CNTN2: variants seen among roughly 807,000 people sequenced by gnomAD.
The protein encoded by CNTN2 is contactin-2.
A neutral mutation model predicts 117.5 loss-of-function variants in CNTN2; 53 were observed. That is an observed-to-expected ratio of 0.45 (90% CI 0.36 to 0.57). The LOEUF is 0.57. Ranked by LOEUF, CNTN2 falls within the 20% of genes least tolerant of loss-of-function variation. CNTN2 has a pLI of 0.00. For missense variants in CNTN2, 1,106 were observed against 1,404.3 expected (o/e 0.79, Z 3.39); for synonymous variants, 530 against 561.7 (o/e 0.94, Z 0.80).
In CNTN2 at chr1:205,062,464, G is replaced by C. The variant is rs769920262; in HGVS notation, c.1135G>C (p.Asp379His). 3.7e-6 allele frequency: 6 copies of C among 1,613,932 alleles called. No individual in the cohort carries two copies. In the Admixed American group the frequency reaches 1.0e-4, roughly 27 times the overall value. ...GAACCGGGTGGAGGTGTTGGCTGGG[G>C]ACCTGCGGTTCTCCAAGCTGAGCCT... is the stretch of plus-strand genomic sequence containing the variant. ...SQNRVEVLAG[D>H]LRFSKLSLED... is the part of the protein sequence containing the mutation. Residue 379 changes from aspartate (D) to histidine (H), a missense_variant, in exon 10 of 23, where the codon GAC (aspartate) becomes CAC (histidine). Coordinates refer to ENST00000331830, the MANE Select transcript of CNTN2 (RefSeq NM_005076.5).
At chr1:205,057,190 A>G (rs1289572576) in intron 2 of CNTN2, 1 of 152,000 alleles carries the variant, frequency 6.6e-6, no homozygotes, top group African/African-American at 2.4e-5. Flanking sequence ...GTGAACTCAT[A>G]TTCTTTTCAT....
rs775590900 is a variant in CNTN2 at position 205,072,144 on chromosome 1, C to G, written c.2731+11C>G. 1.4e-5 allele frequency: 22 copies of G among 1,600,724 alleles called. No homozygotes were observed. The highest frequency in any genetic ancestry group is 1.8e-5 in the Non-Finnish European group (21 of 1,175,244). ...CGACCATGAAGCCCCGTGAGTCTGT[C>G]TGCCTGGGGTGGGGGTAGGGCAATA... On this transcript the variant is annotated intron_variant, in intron 20 of 22. Transcript: ENST00000331830.
rs1421646084 is a variant in CNTN2 at position 205,072,854 on chromosome 1, G to A, written c.2845-214G>A. On this transcript the variant is annotated intron_variant, in intron 21 of 22. Coordinates refer to ENST00000331830, the MANE Select transcript of CNTN2 (RefSeq NM_005076.5). ...ATGGACTATGGGGATGGAGTATGGG[G>A]GTTCTTCTAGCTTAAGGAGTCTACG... 4.7e-6 allele frequency: 3 copies of A among 634,992 alleles called. No homozygotes were observed. The African/African-American group carries it at 5.5e-5, about 12-fold the overall frequency. 39.3% of individuals were successfully genotyped at this position (634,992 alleles called of 1,614,324 possible). A position where few individuals can be genotyped will look rare whatever the true frequency, so the allele number is the denominator to read the frequency against.
In CNTN2 at chr1:205,057,976, G is replaced by A; in HGVS notation, c.126G>A (p.Gln42=). The A allele has an allele frequency of 6.2e-7, 1 of 1,614,162 alleles. No individual in the cohort carries two copies. The highest frequency in any genetic ancestry group is 8.5e-7 in the Non-Finnish European group (1 of 1,180,036). Residue 42 remains glutamine, a synonymous_variant, in exon 3 of 23, where the codon CAG becomes CAA. Transcript: ENST00000331830. ...CCTTCGGGCCTGTCTTTGAAGACCA[G>A]CCCCTCAGTGTGCTATTCCCAGAGG... ...QTTFGPVFED[Q]PLSVLFPEES...
intron 21 of CNTN2, 179 bp from the exon 22 acceptor site, chr1:205,072,889 C>T: frequency 2.9e-6 from 2 of 687,200 alleles, no homozygotes; most frequent in Non-Finnish European, 4.9e-6. Context: ...GGAAACAGTT[C>T]AGTGGCCTGC....
Position 205,058,949 on chromosome 1 carries a change from C to T in CNTN2, c.488-135C>T, listed in dbSNP as rs1653812612. The T allele has an allele frequency of 2.5e-6, 2 of 798,672 alleles. No homozygotes were observed. The highest frequency in any genetic ancestry group is 4.1e-6 in the Non-Finnish European group (2 of 490,562). 49.5% of individuals were successfully genotyped at this position (798,672 alleles called of 1,614,324 possible). A position where few individuals can be genotyped will look rare whatever the true frequency, so the allele number is the denominator to read the frequency against. Reference sequence around the variant, plus strand: ...AAAGTCACTTCTTCCCTCTAGGTCTCCCCTTAGCCCCAGTTCAGAGCATGG... The same window carrying T: ...AAAGTCACTTCTTCCCTCTAGGTCTTCCCTTAGCCCCAGTTCAGAGCATGG... On this transcript the variant is annotated intron_variant, in intron 5 of 22. Coordinates refer to ENST00000331830, the MANE Select transcript of CNTN2 (RefSeq NM_005076.5). This position sits in a 1 kb window ranked among gnomAD's most constrained non-coding sequence, Gnocchi z 4.3.
Position 205,061,153 on chromosome 1 carries a change from G to A in CNTN2, c.798-92G>A, listed in dbSNP as rs1653956228. On this transcript the variant is annotated intron_variant, in intron 7 of 22. Coordinates refer to ENST00000331830, the MANE Select transcript of CNTN2 (RefSeq NM_005076.5). This position sits in a 1 kb window ranked among gnomAD's most constrained non-coding sequence, Gnocchi z 4.8. ...GTTCCTCCCAGGCCCAGCATCTCAG[G>A]AGGGCCTGAGAGTCTGGGTATGAGG... 7.3e-7 allele frequency: 1 copy of A among 1,376,124 alleles called. No individual in the cohort carries two copies. Among genetic ancestry groups the A allele is most frequent in the African/African-American group, 1.5e-5 (1 of 68,760 alleles). 85.2% of individuals were successfully genotyped at this position (1,376,124 alleles called of 1,614,324 possible). A position where few individuals can be genotyped will look rare whatever the true frequency, so the allele number is the denominator to read the frequency against.
chr1:205,064,155 G>A (rs1470637), intron 10 of CNTN2, among the ~76,000 whole-genome samples, 167 bp from the exon 11 acceptor site: 62,753 of 148,694 alleles, frequency 0.42, 14,468 homozygotes, highest in East Asian at 0.95. Flanking sequence ...TAGTCCAGGC[G>A]GGAGATTTGA....
intron 20 of CNTN2, 132 bp downstream of exon 20, chr1:205,072,265 G>C (rs776135993): frequency 5.3e-4 from 508 of 963,198 alleles, no homozygotes; most frequent in Non-Finnish European, 7.3e-4. Context: ...ATTAGGCAGC[G>C]AGCCTAATGG....
intron 2 of CNTN2, among the ~76,000 whole-genome samples, chr1:205,056,363 T>C (rs1305749200): frequency 2.0e-5 from 3 of 151,338 alleles, no homozygotes; most frequent in African/African-American, 4.9e-5. Flanking sequence ...AGCTGGACTT[T>C]CCAGCCGAGA....
chr1:205,069,486 G>A lies in CNTN2; in HGVS notation c.2126-5G>A. The A allele has an allele frequency of 6.2e-7, 1 of 1,614,006 alleles. No individual in the cohort carries two copies. Among genetic ancestry groups the A allele is most frequent in the Non-Finnish European group, 8.5e-7 (1 of 1,179,984 alleles). On this transcript the variant is annotated splice_region_variant and splice_polypyrimidine_tract_variant and intron_variant, in intron 16 of 22. Coordinates refer to ENST00000331830, the MANE Select transcript of CNTN2 (RefSeq NM_005076.5). ...GCCATATCGGTGTCCCTTGGCCCTT[G>A]ACAGCCCCCTCGGTGGCACCCTCAG...
At chr1:205,044,163 G>A (rs2096437079) in intron 1 of CNTN2, among the ~76,000 whole-genome samples, 1 of 152,172 alleles carries the variant, frequency 6.6e-6, no homozygotes. Flanking sequence ...AAAGGGGCTG[G>A]GGCCAGAATG....
chr1:205,053,394 C>T (rs2096456162), intron 2 of CNTN2, 139 bp downstream of exon 2: 2 of 601,696 alleles, frequency 3.3e-6, no homozygotes, highest in South Asian at 5.8e-5. Context: ...CATTTCCTTG[C>T]TAAAATTTCC....
Position 205,073,853 on chromosome 1 carries a change from C to A in CNTN2, c.*88C>A. 1 of 1,088,628 alleles carries A rather than the reference C, an allele frequency of 9.2e-7. No individual in the cohort carries two copies. Among genetic ancestry groups the A allele is most frequent in the Non-Finnish European group, 1.4e-6 (1 of 728,336 alleles). 67.4% of individuals were successfully genotyped at this position (1,088,628 alleles called of 1,614,324 possible). A position where few individuals can be genotyped will look rare whatever the true frequency, so the allele number is the denominator to read the frequency against. ...TTCCTGCTGCCAAGGTGGCCTGACACTGTGCCAGAGAGTGGCTGGTTTTAA... is the reference window on the plus strand; with the variant it reads ...TTCCTGCTGCCAAGGTGGCCTGACAATGTGCCAGAGAGTGGCTGGTTTTAA... On this transcript the variant is annotated 3_prime_UTR_variant, in exon 23 of 23. Coordinates refer to ENST00000331830, the MANE Select transcript of CNTN2 (RefSeq NM_005076.5). The surrounding 1 kb of genome is among the most constrained non-coding windows in gnomAD (Gnocchi z 6.3).
Position 205,066,512 on chromosome 1 carries a change from C to A in CNTN2, c.1888C>A (p.Arg630Ser), listed in dbSNP as rs574231253. 4.3e-6 allele frequency: 7 copies of A among 1,613,946 alleles called. No homozygotes were observed. The African/African-American group carries it at 6.7e-5, about 15-fold the overall frequency. Residue 630 changes from arginine to serine, a missense_variant, in exon 15 of 23, where the codon CGT becomes AGT. Arg to Ser is a moderately radical substitution (Grantham distance 110, BLOSUM62 -1). Transcript: ENST00000331830. ...CACCACCATCCAGCTCAGCTGGAGCCGTGGCTTCGACAACCACAGCCCCAT... is the reference window on the plus strand; with the variant it reads ...CACCACCATCCAGCTCAGCTGGAGCAGTGGCTTCGACAACCACAGCCCCAT... ...GDTTIQLSWS[R>S]GFDNHSPIAK... is the part of the protein sequence containing the mutation.
intron 21 of CNTN2, 159 bp from the exon 22 acceptor site, chr1:205,072,909 T>C (rs550042735): frequency 2.6e-6 from 2 of 776,608 alleles, no homozygotes; most frequent in African/African-American, 1.8e-5. Context: ...CAAGCTTTCC[T>C]CCACCAATGA....
chr1:205,072,269 C>T (rs2151200235), intron 20 of CNTN2, 136 bp downstream of exon 20: 3 of 965,982 alleles, frequency 3.1e-6, no homozygotes, highest in Non-Finnish European at 4.6e-6. Flanking sequence ...GGCAGCGAGC[C>T]TAATGGAAAT....
chr1:205,062,467 C>T lies in CNTN2; in HGVS notation c.1138C>T (p.Leu380=). 1.2e-6 allele frequency: 2 copies of T among 1,613,954 alleles called. No homozygotes were observed. The highest frequency in any genetic ancestry group is 1.7e-6 in the Non-Finnish European group (2 of 1,179,926). The change falls in exon 10 of 23, where the codon CTG becomes TTG. Residue 380 remains leucine, a synonymous_variant. Transcript: ENST00000331830. ...QNRVEVLAGD[L]RFSKLSLEDS... is the part of the protein sequence containing the mutation. The stretch of plus-strand genomic sequence containing the variant: ...CCGGGTGGAGGTGTTGGCTGGGGAC[C>T]TGCGGTTCTCCAAGCTGAGCCTGGA...
At position 205,072,139 on chromosome 1, in the gene CNTN2, T is replaced by A. The variant is rs769776725; in HGVS notation, c.2731+6T>A. ...CGCCACGACCATGAAGCCCCGTGAG[T>A]CTGTCTGCCTGGGGTGGGGGTAGGG... On this transcript the variant is annotated splice_donor_region_variant and intron_variant, in intron 20 of 22. Transcript: ENST00000331830. The A allele has an allele frequency of 1.0e-5, 16 of 1,602,992 alleles. No homozygotes were observed. In the Admixed American group the frequency reaches 2.4e-4, roughly 24 times the overall value.
Sources: gnomAD v4.1 joint callset for allele counts (sites outside exome capture counted in the v4.1 genomes callset) on GRCh38, gnomAD v4.1.1 for gene constraint, Gnocchi (gnomAD v3.1) non-coding constraint, MANE v1.5 for transcripts, NCBI Gene and HGNC (gene_info 2026-07-23, HGNC 2026-07-21) for gene names.